NUBPL: variants seen among roughly 807,000 people sequenced by gnomAD.
The protein encoded by NUBPL is NUBP iron-sulfur cluster assembly factor, mitochondrial.
NUBPL carries 31 observed loss-of-function variants against 45.7 expected under a neutral mutation model. That is an observed-to-expected ratio of 0.68 (90% CI 0.51 to 0.92). NUBPL has a LOEUF of 0.92. Ranked by LOEUF, NUBPL falls within the 40% of genes least tolerant of loss-of-function variation. NUBPL has a pLI of 0.00. For missense variants in NUBPL, 401 were observed against 398.7 expected, an observed-to-expected ratio of 1.01 and a Z score of -0.05; for synonymous variants, 144 against 140.9, an observed-to-expected ratio of 1.02 and a Z score of -0.15.
At chr14:31,811,891 CTGTT>C (rs1417611040) in intron 7 of NUBPL, among the ~76,000 whole-genome samples, 2 of 152,178 alleles carry the variant, frequency 1.3e-5, no homozygotes, top group East Asian at 1.9e-4. Flanking sequence ...AGCTGCAGGT[CTGTT>C]TGATTTTGCT....
intron 6 of NUBPL, among the ~76,000 whole-genome samples, chr14:31,756,278 A>C (rs2038661245): frequency 6.6e-6 from 1 of 152,138 alleles, no homozygotes; most frequent in Non-Finnish European, 1.5e-5. Flanking sequence ...TGAATCTATA[A>C]ATTTCCTTGG....
chr14:31,599,875 T>G (rs2034381774), intron 4 of NUBPL, among the ~76,000 whole-genome samples: 1 of 152,030 alleles, frequency 6.6e-6, no homozygotes, highest in Non-Finnish European at 1.5e-5. Context: ...CTTACTGCAT[T>G]GTTTATTGTG....
intron 10 of NUBPL, among the ~76,000 whole-genome samples, chr14:31,857,496 A>T (rs940765581): frequency 6.6e-6 from 1 of 152,080 alleles, no homozygotes; most frequent in African/African-American, 2.4e-5. Flanking sequence ...AGGAAATGGG[A>T]TTTTCTATTC....
intron 4 of NUBPL, among the ~76,000 whole-genome samples, chr14:31,639,299 C>T (rs1195279389): frequency 6.6e-6 from 1 of 152,178 alleles, no homozygotes; most frequent in Non-Finnish European, 1.5e-5. Flanking sequence ...TTCCTTCTAA[C>T]AGACAGGACC....
intron 4 of NUBPL, among the ~76,000 whole-genome samples, chr14:31,665,448 A>T (rs981692296): frequency 3.3e-5 from 5 of 152,206 alleles, no homozygotes; most frequent in African/African-American, 1.2e-4. Flanking sequence ...GTTTCAAAGA[A>T]CTGATTTATT....
intron 6 of NUBPL, among the ~76,000 whole-genome samples, chr14:31,674,300 A>C (rs1481596930): frequency 6.6e-6 from 1 of 152,212 alleles, no homozygotes; most frequent in East Asian, 1.9e-4. Context: ...ACCATGCAAT[A>C]GGTTGATAAT....
chr14:31,571,464 CTT>C (rs34423799), intron 3 of NUBPL, among the ~76,000 whole-genome samples: 11 of 147,328 alleles, frequency 7.5e-5, no homozygotes, highest in East Asian at 2.0e-4. Context: ...GTGTCTTCTT[CTT>C]TTTTTTTTTT....
At chr14:31,846,616 TAGA>T (rs1185346169) in intron 9 of NUBPL, 25 bp downstream of exon 9, 29 of 1,612,182 alleles carry the variant, frequency 1.8e-5, no homozygotes, top group Non-Finnish European at 2.3e-5. Flanking sequence ...TGTTCTTTTG[TAGA>T]AGAAGTGGCA....
chr14:31,657,390 T>C (rs965985049), intron 4 of NUBPL, among the ~76,000 whole-genome samples: 1 of 152,236 alleles, frequency 6.6e-6, no homozygotes, highest in Non-Finnish European at 1.5e-5. Flanking sequence ...TGAAAAGAGT[T>C]TGCCTCTAAG....
At chr14:31,590,355 C>A (rs535460878) in intron 3 of NUBPL, among the ~76,000 whole-genome samples, 3 of 152,122 alleles carry the variant, frequency 2.0e-5, no homozygotes, top group East Asian at 3.9e-4. Context: ...TTCCTCCCAT[C>A]CCATCTCCTT....
chr14:31,656,390 A>G (rs533425914), intron 4 of NUBPL, among the ~76,000 whole-genome samples: 1 of 152,324 alleles, frequency 6.6e-6, no homozygotes, highest in Non-Finnish European at 1.5e-5. Flanking sequence ...GTTTGGTTCA[A>G]GAGGCCTAGC....
intron 7 of NUBPL, among the ~76,000 whole-genome samples, chr14:31,815,910 T>C (rs1472252814): frequency 6.6e-6 from 1 of 152,204 alleles, no homozygotes; most frequent in Non-Finnish European, 1.5e-5. Flanking sequence ...GGATAAGCTT[T>C]TTTATGTGCT....
At chr14:31,807,831 T>G (rs1406562386) in intron 7 of NUBPL, among the ~76,000 whole-genome samples, 2 of 152,222 alleles carry the variant, frequency 1.3e-5, no homozygotes, top group African/African-American at 4.8e-5. Context: ...AGTTTCAGCT[T>G]TGTACATATG....
chr14:31,621,121 A>G (rs1475943476), intron 4 of NUBPL, among the ~76,000 whole-genome samples: 1 of 152,148 alleles, frequency 6.6e-6, no homozygotes, highest in African/African-American at 2.4e-5. Context: ...GCAATGGCAG[A>G]TGCTCCTCCC....
At chr14:31,587,581 C>T (rs1013699299) in intron 3 of NUBPL, among the ~76,000 whole-genome samples, 2 of 152,108 alleles carry the variant, frequency 1.3e-5, no homozygotes, top group African/African-American at 2.4e-5. Flanking sequence ...TAATAAATTG[C>T]TTCTATTGTT....
chr14:31,646,118 T>C (rs2035844658), intron 4 of NUBPL, among the ~76,000 whole-genome samples: 2 of 152,128 alleles, frequency 1.3e-5, no homozygotes, highest in Non-Finnish European at 1.5e-5. Context: ...TATCTTTTCT[T>C]CATATTTGAA....
intron 3 of NUBPL, among the ~76,000 whole-genome samples, chr14:31,573,247 A>G (rs927218485): frequency 1.1e-4 from 16 of 152,184 alleles, no homozygotes; most frequent in African/African-American, 3.6e-4. Context: ...TATGCAGTCC[A>G]TTGTTGACTG....
At chr14:31,612,048 A>G (rs2034773741) in intron 4 of NUBPL, among the ~76,000 whole-genome samples, 1 of 152,256 alleles carries the variant, frequency 6.6e-6, no homozygotes, top group Non-Finnish European at 1.5e-5. Flanking sequence ...ACAGGCAACC[A>G]AAGCAAAAAT....
At chr14:31,566,557 ACCCTTGAGT>A (rs2033440865) in intron 3 of NUBPL, among the ~76,000 whole-genome samples, 1 of 151,852 alleles carries the variant, frequency 6.6e-6, no homozygotes, top group Admixed American at 6.6e-5. Flanking sequence ...TCTGAAGGAC[ACCCTTGAGT>A]CCTTATATGG....
Sources: allele counts gnomAD v4.1 joint callset (sites outside exome capture counted in the v4.1 genomes callset), GRCh38; gene constraint gnomAD v4.1.1; transcripts MANE v1.5; gene names NCBI Gene and HGNC (gene_info 2026-07-23, HGNC 2026-07-21).